Variants in PDE4DIP observed in about 807,000 individuals in gnomAD.
PDE4DIP encodes myomegalin.
A neutral mutation model predicts 221.4 loss-of-function variants in PDE4DIP; 59 were observed. The observed-to-expected ratio is 0.27, with a 90% CI of 0.22 to 0.33. The LOEUF is 0.33. Among genes scored for constraint, PDE4DIP ranks in the 10% least tolerant of loss-of-function variants. The probability of loss-of-function intolerance (pLI) is 1.00; values close to 1 mark genes in which losing one functional copy is unlikely to be tolerated. For missense variants in PDE4DIP, 1,036 were observed against 2,154.2 expected, an observed-to-expected ratio of 0.48 and a Z score of 10.28; for synonymous variants, 404 against 815.9, an observed-to-expected ratio of 0.50 and a Z score of 8.60.
chr1:148,970,539 A>C (rs1193211626), intron 14 of PDE4DIP, among the ~76,000 whole-genome samples: 2 of 150,464 alleles, frequency 1.3e-5, no homozygotes, highest in Non-Finnish European at 3.0e-5. Flanking sequence ...CGTGCAAAAG[A>C]AATCACCTGA....
At chr1:148,825,965 A>AT (rs146890997) in intron 1 of PDE4DIP, among the ~76,000 whole-genome samples, 3 of 92,484 alleles carry the variant, frequency 3.2e-5, no homozygotes, top group Non-Finnish European at 4.4e-5. Flanking sequence ...TTCATTGCGG[A>AT]TTTTTTTTGC....
intron 30 of PDE4DIP, 91 bp from the exon 34 acceptor site, chr1:149,010,352 T>C: frequency 1.8e-6 from 2 of 1,099,926 alleles, no homozygotes; most frequent in South Asian, 2.8e-5. Flanking sequence ...AAAGCAAGAC[T>C]CTAGCCCTGG....
intron 1 of PDE4DIP, among the ~76,000 whole-genome samples, chr1:148,859,959 G>C (rs1663910): frequency 2.3e-5 from 2 of 86,804 alleles, no homozygotes; most frequent in Non-Finnish European, 4.8e-5. Flanking sequence ...TGTTTCTTCA[G>C]TCTGAGCCCC....
chr1:148,934,090 C>T (rs1308714623), intron 4 of PDE4DIP, among the ~76,000 whole-genome samples: 1 of 147,314 alleles, frequency 6.8e-6, no homozygotes, highest in Non-Finnish European at 1.5e-5. Context: ...CAGAATTTTG[C>T]TCATGCTTTT....
rs2071368098 is a variant in PDE4DIP, at chr1:149,018,206, T to C, written c.5650+327T>C. 6 of 383,732 alleles carry C rather than the reference T, an allele frequency of 1.6e-5. No individual in the cohort carries two copies. In the East Asian group the frequency reaches 2.5e-4, roughly 16 times the overall value. The allele number at this position is 383,732 out of a possible 1,614,324, so 23.8% of individuals were successfully genotyped here. The stretch of plus-strand genomic sequence containing the variant: ...CCTCCCACCTCTACCCTCGCCTCTT[T>C]ACCAAGGTGGCCTTTCTCCTTACAC... On this transcript the variant is annotated intron_variant, in intron 34 of 43. Transcript: ENST00000369354.
Position 149,024,361 on chromosome 1 carries a change from G to A in PDE4DIP, c.6086-84G>A, listed in dbSNP as rs113283279. ...AGACTCAGATGATAGTGGGGTCCTT[G>A]GCAGAAAAGAATGTCACAGAGGAGG... On this transcript the variant is annotated intron_variant, in intron 37 of 43. Transcript: ENST00000369354. 4.0e-6 allele frequency: 4 copies of A among 995,172 alleles called. No individual in the cohort carries two copies. The African/African-American group carries it at 6.5e-5, about 16-fold the overall frequency. The allele number at this position is 995,172 out of a possible 1,614,324, so 61.6% of individuals were successfully genotyped here.
rs782107867 is a variant in PDE4DIP at position 148,978,419 on chromosome 1, A to G, written c.2574+4A>G. ...TTCAGGAAACCGAAGACAACAGGTA[A>G]GTTACTGGAATATAAACCTTATTTA... On this transcript the variant is annotated splice_donor_region_variant and intron_variant, in intron 19 of 43. Coordinates refer to ENST00000369354, the Ensembl canonical transcript of PDE4DIP. 1.3e-6 allele frequency: 2 copies of G among 1,570,502 alleles called. No homozygotes were observed. Among genetic ancestry groups the G allele is most frequent in the South Asian group, 1.2e-5 (1 of 85,522 alleles).
chr1:148,822,529 C>A (rs1338228805), intron 1 of PDE4DIP, among the ~76,000 whole-genome samples: 10 of 151,370 alleles, frequency 6.6e-5, no homozygotes, highest in African/African-American at 2.2e-4. Context: ...ATCCATCCCC[C>A]ACCCTGTCCA....
intron 23 of PDE4DIP, among the ~76,000 whole-genome samples, chr1:149,001,113 G>T (rs1344982058): frequency 1.3e-5 from 2 of 152,274 alleles, no homozygotes; most frequent in African/African-American, 4.8e-5. Flanking sequence ...AGTACATTTT[G>T]ATTATATTAA....
intron 22 of PDE4DIP, among the ~76,000 whole-genome samples, chr1:148,996,550 G>C (rs1197215966): frequency 1.3e-5 from 2 of 152,100 alleles, no homozygotes; most frequent in Admixed American, 6.5e-5. Flanking sequence ...TGGGACTTGA[G>C]TGGCTTTGTC....
intron 21 of PDE4DIP, chr1:148,982,574 A>G (rs587726935): frequency 1.9e-4 from 29 of 152,332 alleles, no homozygotes; most frequent in African/African-American, 6.5e-4. Flanking sequence ...GATGTCTTGA[A>G]TGTCAAGTGT....
chr1:148,967,463 G>A (rs1441463652), intron 12 of PDE4DIP, among the ~76,000 whole-genome samples: 6 of 151,032 alleles, frequency 4.0e-5, no homozygotes, highest in Non-Finnish European at 7.4e-5. Context: ...CCACTTTTTC[G>A]AGAAATCCTT....
At chr1:148,929,459 A>T in intron 2 of PDE4DIP, 186 bp downstream of exon 5, 1 of 783,130 alleles carries the variant, frequency 1.3e-6, no homozygotes, top group Non-Finnish European at 2.0e-6. Flanking sequence ...ACTAGGTCAG[A>T]TGGACCTTGT....
Position 148,931,645 on chromosome 1 carries a change from A to G in PDE4DIP, c.219-155A>G. ...AAACAACAGATGCCGGTGAGGCTGC[A>G]TAGAAATGGGAATGCTTACACGCTG... On this transcript the variant is annotated intron_variant, in intron 2 of 43. Transcript: ENST00000369354. 3.5e-6 allele frequency: 3 copies of G among 866,832 alleles called. No homozygotes were observed. In the South Asian group the frequency reaches 4.1e-5, roughly 12 times the overall value. The allele number at this position is 866,832 out of a possible 1,614,324, so 53.7% of individuals were successfully genotyped here.
upstream of PDE4DIP, among the ~76,000 whole-genome samples, chr1:148,884,775 C>T (rs587731529): frequency 1.3e-4 from 20 of 152,288 alleles, no homozygotes; most frequent in East Asian, 3.9e-3. Flanking sequence ...TTGTACAGTT[C>T]ATATTGTCCT....
upstream of PDE4DIP, among the ~76,000 whole-genome samples, chr1:148,885,102 A>G (rs1343540473): frequency 6.1e-5 from 9 of 147,396 alleles, no homozygotes; most frequent in South Asian, 2.3e-4. Flanking sequence ...CAGTGAACAA[A>G]CTAAGAAAAC....
rs782509078 is a variant in PDE4DIP at position 149,016,360 on chromosome 1, C to T, written c.5328C>T (p.Asp1776=). 2.6e-5 allele frequency: 37 copies of T among 1,430,518 alleles called. No homozygotes were observed. The South Asian group carries it at 3.1e-4, about 12-fold the overall frequency. 88.6% of individuals were successfully genotyped at this position (1,430,518 alleles called of 1,614,324 possible). The change falls in exon 33 of 44, where the codon GAC becomes GAT. Residue 1776 remains aspartate (D), a synonymous_variant. Coordinates refer to ENST00000369354, the Ensembl canonical transcript of PDE4DIP. ...TGCTGAGCAACGACTTGGAAGCCGA[C>T]TCTTCCTACTACCTCAACTCTGCCC...
chr1:148,877,030 G>A (rs1691707867), intron 3 of PDE4DIP, among the ~76,000 whole-genome samples: 1 of 145,726 alleles, frequency 6.9e-6, no homozygotes, highest in Admixed American at 6.6e-5. Flanking sequence ...CAAAAAAAAA[G>A]AAAATGTATG....
intron 1 of PDE4DIP, among the ~76,000 whole-genome samples, chr1:148,920,119 A>ATT (rs56174614): frequency 2.8e-5 from 4 of 140,524 alleles, no homozygotes; most frequent in African/African-American, 1.2e-4. Flanking sequence ...AAAACTATTT[A>ATT]TTTTTTTTTT....
Sources: gnomAD v4.1 joint callset for allele counts (sites outside exome capture counted in the v4.1 genomes callset) on GRCh38, gnomAD v4.1.1 for gene constraint, MANE v1.5 for transcripts, NCBI Gene and HGNC (gene_info 2026-07-23, HGNC 2026-07-21) for gene names.